ADGRD1: variants seen among roughly 807,000 people sequenced by gnomAD.
ADGRD1 encodes the protein G-protein coupled receptor 133.
ADGRD1 carries 77 observed loss-of-function variants against 113.4 expected under a neutral mutation model. The observed-to-expected ratio is 0.68, with a 90% CI of 0.57 to 0.82. ADGRD1 has a LOEUF of 0.82. Among genes scored for constraint, ADGRD1 ranks in the 40% least tolerant of loss-of-function variants. ADGRD1 has a pLI of 0.00. For missense variants in ADGRD1, 1,036 were observed against 1,139.1 expected (o/e 0.91, Z 1.30); for synonymous variants, 474 against 475.0 (o/e 1.00, Z 0.03).
chr12:130,964,832 C>T (rs1870828298), intron 2 of ADGRD1, among the ~76,000 whole-genome samples: 1 of 152,214 alleles, frequency 6.6e-6, no homozygotes, highest in African/African-American at 2.4e-5. Context: ...TAGTTTCATG[C>T]TGTGCCTTAT....
At chr12:131,101,024 G>C (rs2137302369) in intron 15 of ADGRD1, among the ~76,000 whole-genome samples, 1 of 152,322 alleles carries the variant, frequency 6.6e-6, no homozygotes, top group Admixed American at 6.5e-5. Context: ...GCTCACTGCT[G>C]TTCTTAGAGC....
Position 131,139,484 on chromosome 12 carries a change from T to C in ADGRD1, c.*221T>C. On this transcript the variant is annotated 3_prime_UTR_variant, in exon 25 of 25. Transcript: ENST00000261654. ...CCAGCGTGGGCCCTCCTGCCTTGCA[T>C]CCACCCGTGGGCTGAGTGACTTCCT... 1.8e-6 allele frequency: 1 copy of C among 541,824 alleles called. No homozygotes were observed. Among genetic ancestry groups the C allele is most frequent in the Non-Finnish European group, 3.3e-6 (1 of 298,672 alleles). The allele number at this position is 541,824 out of a possible 1,614,324, so 33.6% of individuals were successfully genotyped here.
At chr12:130,975,504 A>G (rs1185610375) in intron 4 of ADGRD1, among the ~76,000 whole-genome samples, 5 of 152,206 alleles carry the variant, frequency 3.3e-5, no homozygotes, top group South Asian at 2.1e-4. Flanking sequence ...CATTTCCCCT[A>G]CATTGAACCT....
chr12:131,058,786 CA>C (rs1031831178), intron 13 of ADGRD1, among the ~76,000 whole-genome samples: 4 of 152,180 alleles, frequency 2.6e-5, no homozygotes, highest in Non-Finnish European at 5.9e-5. Flanking sequence ...CTGCTTTCAA[CA>C]ATTTGTTTTC....
At chr12:131,025,866 G>C (rs887724663) in intron 13 of ADGRD1, 1 of 152,322 alleles carries the variant, frequency 6.6e-6, no homozygotes, top group African/African-American at 2.4e-5. Flanking sequence ...CACAGAATGG[G>C]GTGCAAGCTC....
At chr12:131,006,479 A>C (rs1375462496) in intron 12 of ADGRD1, among the ~76,000 whole-genome samples, 1 of 152,176 alleles carries the variant, frequency 6.6e-6, no homozygotes, top group Non-Finnish European at 1.5e-5. Context: ...AAAAGGGAGG[A>C]GCAGGTGGGC....
chr12:130,964,623 T>C (rs2136497895), intron 2 of ADGRD1, among the ~76,000 whole-genome samples: 1 of 152,298 alleles, frequency 6.6e-6, no homozygotes, highest in African/African-American at 2.4e-5. Flanking sequence ...AGGCGGAGGT[T>C]GCAGTGAGCC....
At position 131,090,271 on chromosome 12, in the gene ADGRD1, T is replaced by G. The variant is rs146580852; in HGVS notation, c.1671+5608T>G. On this transcript the variant is annotated intron_variant, in intron 15 of 24. Coordinates refer to ENST00000261654, the MANE Select transcript of ADGRD1 (RefSeq NM_198827.5). The stretch of plus-strand genomic sequence containing the variant: ...TTAAAAAAAGTTAAGGCTGATATCA[T>G]AAGTAGAAACCAAATTTGCAGCATA... 6.8e-3 allele frequency among the ~76,000 whole-genome samples: 1,042 copies of G among 152,306 alleles called. 6 individuals carry two copies. Among genetic ancestry groups the G allele is most frequent in the Non-Finnish European group, 0.01 (711 of 68,022 alleles).
In ADGRD1 at chr12:131,120,875, A is replaced by G; in HGVS notation, c.2137A>G (p.Ile713Val). ...CTGGCTGTCGTTGGCGAGTGGCGCC[A>G]TCTGGGCCTTTGTAGCCCCTGCCCT... is the stretch of plus-strand genomic sequence containing the variant. ...NCWLSLASGAIWAFVAPALFV... is the reference protein window; with the variant it reads ...NCWLSLASGAVWAFVAPALFV... Residue 713 changes from isoleucine (I) to valine (V), a missense_variant, in exon 20 of 25, where the codon ATC (isoleucine) becomes GTC (valine). Ile to Val is a conservative substitution (Grantham distance 29, BLOSUM62 3). Transcript: ENST00000261654. The G allele has an allele frequency of 1.9e-6, 3 of 1,614,228 alleles. No homozygotes were observed. Among genetic ancestry groups the G allele is most frequent in the Non-Finnish European group, 2.5e-6 (3 of 1,180,042 alleles).
intron 9 of ADGRD1, among the ~76,000 whole-genome samples, chr12:131,001,681 C>G (rs1281329970): frequency 6.6e-6 from 1 of 152,296 alleles, no homozygotes; most frequent in African/African-American, 2.4e-5. Context: ...CTCTTCTCCA[C>G]CCAGATACTC....
chr12:131,051,857 TTC>T (rs1340552234), intron 13 of ADGRD1, among the ~76,000 whole-genome samples: 2 of 152,232 alleles, frequency 1.3e-5, no homozygotes, highest in Non-Finnish European at 2.9e-5. Context: ...GGAGAAAACA[TTC>T]TGTTTCCAGA....
chr12:131,045,732 C>G (rs1882631380), intron 13 of ADGRD1, among the ~76,000 whole-genome samples: 1 of 152,174 alleles, frequency 6.6e-6, no homozygotes. Context: ...TTCCGAAGAT[C>G]ATGCTTTCTC....
intron 4 of ADGRD1, among the ~76,000 whole-genome samples, chr12:130,979,384 G>T (rs1465725031): frequency 6.6e-6 from 1 of 152,180 alleles, no homozygotes; most frequent in Admixed American, 6.5e-5. Flanking sequence ...CGAGGGCTTT[G>T]AACTCACAAA....
chr12:131,134,724 C>T (rs4759545), intron 21 of ADGRD1, among the ~76,000 whole-genome samples: 53,975 of 152,174 alleles, frequency 0.35, 9,876 homozygotes, highest in South Asian at 0.5. Flanking sequence ...TCATTATGGC[C>T]GCATCTCACC....
In ADGRD1 at chr12:131,082,381, C is replaced by T. The variant is rs185902966; in HGVS notation, c.1548-2159C>T. Among the ~76,000 whole-genome samples, 7 of 152,322 alleles carry T rather than the reference C, an allele frequency of 4.6e-5. No individual in the cohort carries two copies. The East Asian group carries it at 1.2e-3, about 25-fold the overall frequency. On this transcript the variant is annotated intron_variant, in intron 14 of 24. Coordinates refer to ENST00000261654, the MANE Select transcript of ADGRD1 (RefSeq NM_198827.5). ...AGCTGCAAGCCTGCCTCTTTGTTTT[C>T]GCTGAGTCCCTGGGAAGTAGATCTT...
At chr12:130,992,642 C>A (rs1219776204) in intron 8 of ADGRD1, among the ~76,000 whole-genome samples, 2 of 152,216 alleles carry the variant, frequency 1.3e-5, no homozygotes, top group African/African-American at 2.4e-5. Context: ...CTGCCTGGTC[C>A]CCCCTGTGCA....
chr12:131,122,011 G>A (rs1486598879), intron 20 of ADGRD1: 1 of 152,388 alleles, frequency 6.6e-6, no homozygotes, highest in African/African-American at 2.4e-5. Context: ...GTGGGGTCGT[G>A]ATCAGAGGGT....
chr12:131,037,498 T>C (rs1326575266), intron 13 of ADGRD1, among the ~76,000 whole-genome samples: 7 of 113,088 alleles, frequency 6.2e-5, no homozygotes, highest in Admixed American at 1.7e-4. Context: ...CACTGGGTCT[T>C]ACTCATTGCA....
At chr12:131,017,161 A>G (rs1368055327) in intron 13 of ADGRD1, among the ~76,000 whole-genome samples, 2 of 152,098 alleles carry the variant, frequency 1.3e-5, no homozygotes, top group Non-Finnish European at 2.9e-5. Context: ...AGAGCCACAC[A>G]GCCAGTGAGG....
Sources: gnomAD v4.1 joint callset for allele counts (sites outside exome capture counted in the v4.1 genomes callset) on GRCh38, gnomAD v4.1.1 for gene constraint, MANE v1.5 for transcripts, NCBI Gene and HGNC (gene_info 2026-07-23, HGNC 2026-07-21) for gene names.